Variants in TCAIM observed in about 807,000 individuals in gnomAD.
TCAIM encodes the protein T-cell activation inhibitor, mitochondrial.
A neutral mutation model predicts 58.6 loss-of-function variants in TCAIM; 36 were observed. The ratio of observed to expected loss-of-function variants is 0.61; its 90% confidence interval spans 0.47 to 0.81. TCAIM has a LOEUF of 0.81. Among genes scored for constraint, TCAIM ranks in the 30% least tolerant of loss-of-function variants. TCAIM has a pLI of 0.00. For missense variants in TCAIM, 466 were observed against 579.6 expected, an observed-to-expected ratio of 0.80 and a Z score of 2.01; for synonymous variants, 172 against 193.6, an observed-to-expected ratio of 0.89 and a Z score of 0.93.
At chr3:44,369,401 G>A (rs1701428964) in intron 5 of TCAIM, among the ~76,000 whole-genome samples, 1 of 152,138 alleles carries the variant, frequency 6.6e-6, no homozygotes, top group African/African-American at 2.4e-5. Flanking sequence ...AAGTTAAAAG[G>A]GCCTAAGAAG....
chr3:44,401,324 A>G lies in TCAIM; in HGVS notation c.1240A>G (p.Arg414Gly), dbSNP rs767650498. Residue 414 changes from arginine (R) to glycine (G), a missense_variant, in exon 10 of 11, where the codon AGA (arginine) becomes GGA (glycine). Coordinates refer to ENST00000342649, the MANE Select transcript of TCAIM (RefSeq NM_173826.4). ...KAQQARENMKRKEELKVIENE... is the reference protein window; with the variant it reads ...KAQQARENMKGKEELKVIENE... ...TCAGCAGGCAAGAGAGAACATGAAA[A>G]GAAAGGAAGAGTAAGTACTGCCAGT... is the stretch of plus-strand genomic sequence containing the variant. 2 of 1,613,872 alleles carry G rather than the reference A, an allele frequency of 1.2e-6. No individual in the cohort carries two copies. Among genetic ancestry groups the G allele is most frequent in the Non-Finnish European group, 1.7e-6 (2 of 1,179,944 alleles).
intron 2 of TCAIM, among the ~76,000 whole-genome samples, chr3:44,355,675 G>C (rs1364507863): frequency 6.6e-6 from 1 of 152,180 alleles, no homozygotes; most frequent in East Asian, 1.9e-4. Flanking sequence ...ATAGTGAATG[G>C]GGGTAGTGAA....
intron 5 of TCAIM, among the ~76,000 whole-genome samples, chr3:44,370,237 G>A (rs1043040749): frequency 6.6e-6 from 1 of 151,976 alleles, no homozygotes; most frequent in Non-Finnish European, 1.5e-5. Context: ...CGAGGCAGGC[G>A]GATCACAAGG....
chr3:44,404,820 C>CA (rs892441373), intron 10 of TCAIM, among the ~76,000 whole-genome samples: 12 of 134,100 alleles, frequency 8.9e-5, no homozygotes, highest in Non-Finnish European at 1.9e-4. Context: ...TTTTTTATGG[C>CA]AAAAAACTGC....
At chr3:44,384,349 T>G in intron 5 of TCAIM, among the ~76,000 whole-genome samples, 1 of 152,246 alleles carries the variant, frequency 6.6e-6, no homozygotes, top group Non-Finnish European at 1.5e-5. Flanking sequence ...GAAGGTATTC[T>G]TTTCTCTTTG....
At chr3:44,385,047 C>T (rs747565817) in intron 5 of TCAIM, among the ~76,000 whole-genome samples, 1 of 152,072 alleles carries the variant, frequency 6.6e-6, no homozygotes, top group Non-Finnish European at 1.5e-5. Flanking sequence ...ATGTATTTGT[C>T]CTGGAGAGCC....
At chr3:44,358,346 G>A (rs1228586919) in intron 3 of TCAIM, 5 of 744,118 alleles carry the variant, frequency 6.7e-6, no homozygotes, top group Non-Finnish European at 1.2e-5. Flanking sequence ...ATGACTTATG[G>A]TAGATGTAGT....
intron 5 of TCAIM, among the ~76,000 whole-genome samples, chr3:44,384,139 G>C (rs1333403395): frequency 6.6e-6 from 1 of 152,066 alleles, no homozygotes; most frequent in Non-Finnish European, 1.5e-5. Context: ...TCTCACCCTT[G>C]AAAACAAAGG....
chr3:44,380,302 GA>G (rs1701635442), intron 5 of TCAIM, among the ~76,000 whole-genome samples: 1 of 151,984 alleles, frequency 6.6e-6, no homozygotes, highest in Non-Finnish European at 1.5e-5. Flanking sequence ...TACAATAAAA[GA>G]AATATTTAAG....
Position 44,371,070 on chromosome 3 carries a change from CCTGGCTAATTTTTG to C in TCAIM, c.572+3363_572+3376del, listed in dbSNP as rs1201241540. On this transcript the variant is annotated intron_variant, in intron 5 of 10. Coordinates refer to ENST00000342649, the MANE Select transcript of TCAIM (RefSeq NM_173826.4). ...AATTACAGGCACACACCGTCACACC[CCTGGCTAATTTTTG>C]TATTTTTAGTAGAGACGGGGTTTCA... Among the ~76,000 whole-genome samples the C allele has an allele frequency of 3.3e-5, 5 of 151,902 alleles. No homozygotes were observed. In the East Asian group the frequency reaches 9.7e-4, roughly 29 times the overall value.
chr3:44,342,737 G>A (rs1197798783), intron 1 of TCAIM, among the ~76,000 whole-genome samples: 1 of 148,086 alleles, frequency 6.8e-6, no homozygotes, highest in Non-Finnish European at 1.5e-5. Context: ...TTAAATTGTA[G>A]AAAGCCTACC....
chr3:44,363,027 ATAT>A (rs1192879618), intron 4 of TCAIM: 8 of 152,206 alleles, frequency 5.3e-5, no homozygotes, highest in African/African-American at 1.9e-4. Flanking sequence ...TAAAATAAAA[ATAT>A]TATCATCAAT....
chr3:44,357,302 C>T (rs1337230466), intron 2 of TCAIM, among the ~76,000 whole-genome samples: 2 of 144,214 alleles, frequency 1.4e-5, no homozygotes, highest in South Asian at 2.3e-4. Context: ...CCGGAGATCA[C>T]ACCGCTGCAC....
intron 5 of TCAIM, among the ~76,000 whole-genome samples, chr3:44,390,385 A>G (rs911841847): frequency 3.3e-5 from 5 of 152,200 alleles, no homozygotes; most frequent in Admixed American, 6.5e-5. Context: ...TGGGATGCCA[A>G]CGCGGGAGGA....
At chr3:44,358,933 C>G (rs1404886437) in intron 3 of TCAIM, 8 of 985,176 alleles carry the variant, frequency 8.1e-6, no homozygotes, top group Non-Finnish European at 6.0e-6. Context: ...GTTGGCTACT[C>G]AAAGTCAGAA....
intron 8 of TCAIM, among the ~76,000 whole-genome samples, chr3:44,398,165 C>T (rs142415539): frequency 3.3e-5 from 5 of 152,220 alleles, no homozygotes; most frequent in African/African-American, 1.2e-4. Context: ...GTGGCTCACA[C>T]CTGTAATCCC....
chr3:44,395,218 AT>A (rs1377814589), intron 6 of TCAIM, among the ~76,000 whole-genome samples: 1 of 151,952 alleles, frequency 6.6e-6, no homozygotes, highest in Non-Finnish European at 1.5e-5. Context: ...AAAAATTAAT[AT>A]TCTTTGAAAT....
intron 5 of TCAIM, among the ~76,000 whole-genome samples, chr3:44,379,569 G>C (rs1701622840): frequency 6.6e-6 from 1 of 152,146 alleles, no homozygotes; most frequent in Non-Finnish European, 1.5e-5. Flanking sequence ...CATGTCCTTT[G>C]CAGGAACATG....
intron 2 of TCAIM, 135 bp downstream of exon 2, chr3:44,354,946 G>C (rs1324580158): frequency 1.2e-5 from 12 of 1,038,938 alleles, no homozygotes; most frequent in Non-Finnish European, 1.7e-5. Context: ...CAAAAAGAAA[G>C]AAAATTTATA....
Sources: allele counts gnomAD v4.1 joint callset (sites outside exome capture counted in the v4.1 genomes callset), GRCh38; gene constraint gnomAD v4.1.1; transcripts MANE v1.5; gene names NCBI Gene and HGNC (gene_info 2026-07-23, HGNC 2026-07-21).